EYS: variants seen among roughly 807,000 people sequenced by gnomAD.
The protein encoded by EYS is EGF-like photoreceptor maintenance factor.
In EYS, 250 loss-of-function variants were observed where a neutral mutation model predicts 282.1. The observed-to-expected ratio is 0.89, with a 90% CI of 0.80 to 0.98. EYS has a LOEUF of 0.98. EYS is among the 50% of genes least tolerant of loss of function. The probability of loss-of-function intolerance (pLI) is 0.00; values close to 1 mark genes in which losing one functional copy is unlikely to be tolerated. For missense variants in EYS, 4,016 were observed against 3,709.0 expected (o/e 1.08, Z -2.15); for synonymous variants, 1,355 against 1,282.9 (o/e 1.06, Z -1.20).
chr6:64,953,304 A>G (rs1049121830), intron 14 of EYS, among the ~76,000 whole-genome samples: 1 of 151,792 alleles, frequency 6.6e-6, no homozygotes, highest in Non-Finnish European at 1.5e-5. Context: ...TTCAAATTAT[A>G]GTCTCTTTCT....
intron 11 of EYS, among the ~76,000 whole-genome samples, chr6:65,299,335 T>G (rs1768751104): frequency 6.6e-6 from 1 of 152,164 alleles, no homozygotes; most frequent in Admixed American, 6.6e-5. Context: ...TTAACACTAA[T>G]TTTATAATTA....
At chr6:64,268,517 G>A (rs1382750701) in intron 30 of EYS, among the ~76,000 whole-genome samples, 1 of 152,136 alleles carries the variant, frequency 6.6e-6, no homozygotes, top group Non-Finnish European at 1.5e-5. Flanking sequence ...CAACACATTT[G>A]AGGAGGTGTA....
At chr6:65,348,256 G>T (rs1464899951) in intron 9 of EYS, among the ~76,000 whole-genome samples, 2 of 151,560 alleles carry the variant, frequency 1.3e-5, no homozygotes, top group African/African-American at 4.8e-5. Context: ...CCTAGCAGTG[G>T]GATTGCTGGA....
rs869094677 is a variant in EYS, at chr6:64,413,558, CAAA to C, written c.5927+22613_5927+22615del. On this transcript the variant is annotated intron_variant, in intron 28 of 42. Transcript: ENST00000503581. ...ACAACAACAACAACAACAACAACAACAAAAACCCAAAAAAAAACCTCCCCTCCC... is the reference window on the plus strand; with the variant it reads ...ACAACAACAACAACAACAACAACAACAACCCAAAAAAAAACCTCCCCTCCC... 4.4e-5 allele frequency among the ~76,000 whole-genome samples: 5 copies of C among 114,536 alleles called. No individual in the cohort carries two copies. In the East Asian group the frequency reaches 8.3e-4, roughly 19 times the overall value. 75.1% of individuals were successfully genotyped at this position (114,536 alleles called of 152,430 possible). A position where few individuals can be genotyped will look rare whatever the true frequency, so the allele number is the denominator to read the frequency against.
At chr6:64,622,237 T>C (rs1321075022) in intron 23 of EYS, among the ~76,000 whole-genome samples, 4 of 152,138 alleles carry the variant, frequency 2.6e-5, no homozygotes, top group Admixed American at 6.6e-5. Flanking sequence ...CATATTTATA[T>C]AATTTTTCTG....
chr6:64,296,598 A>ATATATATAT (rs1561913902), intron 30 of EYS, among the ~76,000 whole-genome samples: 1 of 20,132 alleles, frequency 5.0e-5, no homozygotes, highest in Non-Finnish European at 9.8e-5. Context: ...ATATATATAT[A>ATATATATAT]TTTTTTTTTT....
chr6:63,976,671 T>G (rs1020798805), intron 35 of EYS, among the ~76,000 whole-genome samples: 1 of 152,048 alleles, frequency 6.6e-6, no homozygotes, highest in African/African-American at 2.4e-5. Flanking sequence ...GCTGGTTGCT[T>G]TGTATAGGAG....
At chr6:64,579,648 A>C (rs1765997296) in intron 26 of EYS, among the ~76,000 whole-genome samples, 1 of 152,096 alleles carries the variant, frequency 6.6e-6, no homozygotes, top group Admixed American at 6.6e-5. Context: ...ACCAGGTCAC[A>C]GACAGGGTTA....
At chr6:64,632,259 TTAA>T (rs1436026817) in intron 22 of EYS, among the ~76,000 whole-genome samples, 1 of 151,762 alleles carries the variant, frequency 6.6e-6, no homozygotes, top group Non-Finnish European at 1.5e-5. Context: ...ATCTTCTTTT[TTAA>T]TAATTAGTGA....
rs530873690 is a variant in EYS, at chr6:63,883,034, C to G, written c.7056-18676G>C. Among the ~76,000 whole-genome samples the G allele has an allele frequency of 2.6e-5, 4 of 152,290 alleles. No homozygotes were observed. The South Asian group carries it at 6.2e-4, about 24-fold the overall frequency. On this transcript the variant is annotated intron_variant, in intron 35 of 42. Coordinates refer to ENST00000503581, the MANE Select transcript of EYS (RefSeq NM_001142800.2). ...CTCCCCAGCAGCTGAAGGCAATACT[C>G]TACAAAAAATTCCAAATATATATTA...
chr6:64,116,882 A>T (rs565447067), intron 31 of EYS, among the ~76,000 whole-genome samples: 58 of 152,240 alleles, frequency 3.8e-4, no homozygotes, highest in African/African-American at 1.4e-3. Flanking sequence ...TGCCAGTTGT[A>T]AATATATAAG....
chr6:64,325,265 C>A (rs1016584869), intron 29 of EYS, among the ~76,000 whole-genome samples: 1 of 152,088 alleles, frequency 6.6e-6, no homozygotes, highest in African/African-American at 2.4e-5. Flanking sequence ...TGCAGACAAC[C>A]CCCTGGAGCC....
chr6:64,295,002 C>A (rs1768863061), intron 30 of EYS, among the ~76,000 whole-genome samples: 1 of 152,144 alleles, frequency 6.6e-6, no homozygotes, highest in African/African-American at 2.4e-5. Flanking sequence ...TTGTGGAACA[C>A]AGTTTTACAT....
chr6:65,151,029 TA>T (rs1347394838), intron 12 of EYS, among the ~76,000 whole-genome samples: 1 of 152,062 alleles, frequency 6.6e-6, no homozygotes, highest in Non-Finnish European at 1.5e-5. Flanking sequence ...GAGTTTACAA[TA>T]TTTGATAGAA....
intron 13 of EYS, among the ~76,000 whole-genome samples, chr6:65,054,534 G>T (rs1773359819): frequency 6.6e-6 from 1 of 151,920 alleles, no homozygotes; most frequent in Non-Finnish European, 1.5e-5. Context: ...AGTAGCAAAA[G>T]AAAAAGATAA....
chr6:63,724,340 ACAGAATCAG>A (rs1768531222), intron 42 of EYS, among the ~76,000 whole-genome samples: 2 of 152,312 alleles, frequency 1.3e-5, no homozygotes, highest in South Asian at 4.1e-4. Context: ...TGAAGAGACT[ACAGAATCAG>A]CATATCAGGG....
At chr6:64,388,299 A>G (rs1371743558) in intron 29 of EYS, among the ~76,000 whole-genome samples, 1 of 152,176 alleles carries the variant, frequency 6.6e-6, no homozygotes, top group Non-Finnish European at 1.5e-5. Flanking sequence ...CAGACTGGGG[A>G]TGGTCTTCCA....
rs71551600 is a variant in EYS at position 64,678,982 on chromosome 6, C to CAA, written c.3444-52739_3444-52738dup. Among the ~76,000 whole-genome samples, 21 of 80,896 alleles carry CAA rather than the reference C, an allele frequency of 2.6e-4. No individual in the cohort carries two copies. The South Asian group carries it at 2.7e-3, about 11-fold the overall frequency. 53.1% of individuals were successfully genotyped at this position (80,896 alleles called of 152,430 possible). ...AGCCTTGGCGATAGAGACTCCCTCT[C>CAA]AAAAAAAAAAAAAAACACTTTGATT... On this transcript the variant is annotated intron_variant, in intron 22 of 42. Transcript: ENST00000503581.
intron 12 of EYS, among the ~76,000 whole-genome samples, chr6:65,197,079 G>A (rs1439576560): frequency 2.0e-5 from 3 of 152,062 alleles, no homozygotes; most frequent in African/African-American, 7.2e-5. Flanking sequence ...GCTTTGTGGA[G>A]AGTAACAACA....
Sources: allele counts gnomAD v4.1 joint callset (sites outside exome capture counted in the v4.1 genomes callset), GRCh38; gene constraint gnomAD v4.1.1; transcripts MANE v1.5; gene names NCBI Gene and HGNC (gene_info 2026-07-23, HGNC 2026-07-21).